Variants in STK32A observed in about 807,000 individuals in gnomAD.
The protein encoded by STK32A is serine/threonine-protein kinase 32A.
STK32A carries 41 observed loss-of-function variants against 53.2 expected under a neutral mutation model. The ratio of observed to expected loss-of-function variants is 0.77; its 90% CI spans 0.60 to 1.00. The LOEUF is 1.00. Among genes scored for constraint, STK32A ranks in the 50% least tolerant of loss-of-function variants. The pLI is 0.00. For synonymous variants in STK32A, 166 were observed against 162.8 expected (o/e 1.02, Z -0.15); for missense variants, 458 against 485.8 (o/e 0.94, Z 0.54).
intron 8 of STK32A, among the ~76,000 whole-genome samples, chr5:147,365,926 C>T (rs974803872): frequency 3.9e-5 from 6 of 152,088 alleles, no homozygotes; most frequent in African/African-American, 1.4e-4. Context: ...TACCTCTATG[C>T]TAGTTCCCTG....
intron 4 of STK32A, among the ~76,000 whole-genome samples, chr5:147,311,627 T>TA (rs932432950): frequency 1.3e-5 from 2 of 152,154 alleles, no homozygotes; most frequent in African/African-American, 4.8e-5. Flanking sequence ...AGTACAGTGG[T>TA]AAAATCATAG....
intron 4 of STK32A, among the ~76,000 whole-genome samples, chr5:147,318,661 A>T (rs1754137244): frequency 1.3e-5 from 2 of 151,878 alleles, no homozygotes; most frequent in Non-Finnish European, 2.9e-5. Context: ...CTGTAGTCCC[A>T]GATACCCAGG....
chr5:147,238,186 AT>A (rs568270348), intron 1 of STK32A, among the ~76,000 whole-genome samples: 4 of 152,216 alleles, frequency 2.6e-5, no homozygotes, highest in Non-Finnish European at 5.9e-5. Context: ...CCTTTACCCC[AT>A]TTGGGGGATA....
chr5:147,317,715 C>T (rs1279424877), intron 4 of STK32A, among the ~76,000 whole-genome samples: 3 of 152,130 alleles, frequency 2.0e-5, no homozygotes, highest in Non-Finnish European at 4.4e-5. Flanking sequence ...CTGCCACATA[C>T]ATCAATGGCA....
At chr5:147,324,396 G>C (rs966433343) in intron 5 of STK32A, among the ~76,000 whole-genome samples, 8 of 152,128 alleles carry the variant, frequency 5.3e-5, no homozygotes, top group African/African-American at 1.9e-4. Context: ...AATGGAGGTA[G>C]CACATGGAGG....
intron 4 of STK32A, among the ~76,000 whole-genome samples, chr5:147,306,016 G>C (rs990072347): frequency 1.3e-5 from 2 of 151,488 alleles, no homozygotes; most frequent in Non-Finnish European, 2.9e-5. Context: ...GTTTACATAG[G>C]TTTAGCTGGC....
At chr5:147,318,554 C>T (rs2151975719) in intron 4 of STK32A, among the ~76,000 whole-genome samples, 1 of 151,166 alleles carries the variant, frequency 6.6e-6, no homozygotes, top group South Asian at 2.1e-4. Context: ...TACTTGAGGC[C>T]AGGAGTTTGA....
chr5:147,351,004 A>T, intron 6 of STK32A, 61 bp from the exon 7 acceptor site: 1 of 1,448,744 alleles, frequency 6.9e-7, no homozygotes, highest in South Asian at 1.2e-5. Context: ...AGTTAAAAGC[A>T]TGATTGTGCC....
At chr5:147,394,022 G>T in the STK32A span, 2 of 1,613,786 alleles carry the variant, frequency 1.2e-6, no homozygotes, top group Non-Finnish European at 1.7e-6. Context: ...CCCTCTCTTT[G>T]AGGAAGGCTT....
the STK32A span, among the ~76,000 whole-genome samples, chr5:147,395,234 T>G: frequency 1.4e-4 from 22 of 152,344 alleles, 1 homozygote; most frequent in African/African-American, 5.3e-4. Context: ...ATAGCGCTCA[T>G]AGGCTAATGC....
chr5:147,335,684 G>T (rs1329712273), intron 5 of STK32A, among the ~76,000 whole-genome samples: 2 of 152,188 alleles, frequency 1.3e-5, no homozygotes, highest in African/African-American at 2.4e-5. Context: ...CAATAACAGG[G>T]CCTGTGGGAT....
At chr5:147,375,911 G>T (rs1757213025) in intron 11 of STK32A, 2 of 152,098 alleles carry the variant, frequency 1.3e-5, no homozygotes, top group African/African-American at 2.4e-5. Flanking sequence ...AAGTTACTTT[G>T]CCTCTAAAGG....
At chr5:147,355,792 G>GTGTATATATATATATATATATA (rs984298293) in intron 7 of STK32A, among the ~76,000 whole-genome samples, 1 of 147,766 alleles carries the variant, frequency 6.8e-6, no homozygotes, top group Admixed American at 6.7e-5. Context: ...GTGTGTGTGT[G>GTGTATATATATATATATATATA]TATATATATA....
chr5:147,305,033 G>A (rs73260277), intron 4 of STK32A, among the ~76,000 whole-genome samples: 2 of 151,878 alleles, frequency 1.3e-5, no homozygotes, highest in South Asian at 4.1e-4. Context: ...GGAGTTTGAA[G>A]TGATTACTCC....
In STK32A at chr5:147,385,981, CA is replaced by C. The variant is rs1295619828; in HGVS notation, c.*2000del. On this transcript the variant is annotated 3_prime_UTR_variant, in exon 13 of 13. Transcript: ENST00000397936. ...CATAAAGAGGTTACACTGGGGCAAC[CA>C]AGTATGTGTAGAAAGCCAGAGCTAA... is the stretch of plus-strand genomic sequence containing the variant. The C allele has an allele frequency of 6.6e-6, 1 of 152,158 alleles. No homozygotes were observed. Among genetic ancestry groups the C allele is most frequent in the Non-Finnish European group, 1.5e-5 (1 of 68,024 alleles). The allele number at this position is 152,158 out of a possible 1,614,324, so 9.4% of individuals were successfully genotyped here.
intron 11 of STK32A, among the ~76,000 whole-genome samples, chr5:147,380,360 T>C (rs1757403745): frequency 6.6e-6 from 1 of 152,114 alleles, no homozygotes; most frequent in Non-Finnish European, 1.5e-5. Flanking sequence ...CTTTGTCTTG[T>C]TCCCCATCTC....
intron 4 of STK32A, among the ~76,000 whole-genome samples, chr5:147,282,175 T>A (rs1752095433): frequency 6.6e-6 from 1 of 151,756 alleles, no homozygotes; most frequent in African/African-American, 2.4e-5. Context: ...TCACAGAGGA[T>A]CTACAAAATA....
intron 4 of STK32A, among the ~76,000 whole-genome samples, chr5:147,288,901 A>G (rs1302260859): frequency 6.6e-6 from 1 of 152,182 alleles, no homozygotes; most frequent in African/African-American, 2.4e-5. Context: ...GTGTAACTTT[A>G]CATTTATAAA....
chr5:147,390,219 T>C (rs1225173756), downstream of STK32A, among the ~76,000 whole-genome samples: 1 of 152,176 alleles, frequency 6.6e-6, no homozygotes, highest in Non-Finnish European at 1.5e-5. Context: ...TTGAGAACCC[T>C]GAATTAGGCA....
Sources: allele counts gnomAD v4.1 joint callset (sites outside exome capture counted in the v4.1 genomes callset), GRCh38; gene constraint gnomAD v4.1.1; transcripts MANE v1.5; gene names NCBI Gene and HGNC (gene_info 2026-07-23, HGNC 2026-07-21).